SEPTIN10: variants seen among roughly 807,000 people sequenced by gnomAD.
SEPTIN10 encodes the protein septin 10.
Under a neutral mutation model 54.8 loss-of-function variants are expected in SEPTIN10, and 66 were observed. That is an observed-to-expected ratio of 1.21 (90% CI 0.99 to 1.48). The LOEUF (loss-of-function observed/expected upper bound fraction) is 1.48, where lower values mean the gene tolerates loss of function less well. Among genes scored for constraint, SEPTIN10 ranks in the 40% most tolerant of loss-of-function variants. The pLI is 0.00. For missense variants in SEPTIN10, 620 were observed against 545.6 expected (o/e 1.14, Z -1.36); for synonymous variants, 161 against 181.0 (o/e 0.89, Z 0.89).
intron 5 of SEPTIN10, among the ~76,000 whole-genome samples, chr2:109,572,611 T>A (rs1440920053): frequency 8.6e-6 from 1 of 116,692 alleles, no homozygotes; most frequent in East Asian, 2.1e-4. Context: ...TAAAACAACT[T>A]TTTTTTTTTT....
chr2:109,593,067 G>T lies in SEPTIN10; in HGVS notation c.83C>A (p.Ser28Ter). Residue 28 changes from serine (S) to a stop codon, truncating the protein, a stop_gained, in exon 2 of 11, where the codon TCA (serine) becomes TAA (stop). Coordinates refer to ENST00000397712, the MANE Select transcript of SEPTIN10 (RefSeq NM_144710.5). LOFTEE classifies it high-confidence loss of function. ...TKTTCMSSQG[S>*]DDEQIKRENI... is the part of the protein sequence containing the mutation. ...CATACTCACTATCTGTTCATCATCTGATCCTTGTGAAGACATACAAGTTGT... is the reference window on the plus strand; with the variant it reads ...CATACTCACTATCTGTTCATCATCTTATCCTTGTGAAGACATACAAGTTGT... 1 of 1,598,754 alleles carries T rather than the reference G, an allele frequency of 6.3e-7. No homozygotes were observed. The highest frequency in any genetic ancestry group is 8.5e-7 in the Non-Finnish European group (1 of 1,173,246).
At chr2:109,545,328 C>A in intron 10 of SEPTIN10, 1 of 1,486,006 alleles carries the variant, frequency 6.7e-7, no homozygotes, top group Non-Finnish European at 8.9e-7. Context: ...AGGAAATTAT[C>A]AAAAAGGAAA....
At chr2:109,567,546 C>A (rs1687320953) in intron 6 of SEPTIN10, among the ~76,000 whole-genome samples, 1 of 152,116 alleles carries the variant, frequency 6.6e-6, no homozygotes, top group South Asian at 2.1e-4. Flanking sequence ...CATATGGCTG[C>A]ACAAAAGGTA....
At chr2:109,567,766 G>A (rs540182540) in intron 6 of SEPTIN10, 49 bp downstream of exon 6, 1 of 1,508,496 alleles carries the variant, frequency 6.6e-7, no homozygotes, top group South Asian at 1.4e-5. Context: ...ACAAATTACA[G>A]TTTTATTTTC....
chr2:109,611,193 G>C (rs1223475678), intron 1 of SEPTIN10, among the ~76,000 whole-genome samples: 1 of 152,038 alleles, frequency 6.6e-6, no homozygotes, highest in African/African-American at 2.4e-5. Context: ...AACTCAAAAT[G>C]GGTCATAACA....
rs1360859841 is a variant in SEPTIN10, at chr2:109,554,985, T to C, written c.1029-1766A>G. 2.6e-5 allele frequency among the ~76,000 whole-genome samples: 4 copies of C among 152,170 alleles called. 1 individual carries two copies. The highest frequency in any genetic ancestry group is 5.9e-5 in the Non-Finnish European group (4 of 68,020). On this transcript the variant is annotated intron_variant, in intron 8 of 10. Coordinates refer to ENST00000397712, the MANE Select transcript of SEPTIN10 (RefSeq NM_144710.5). ...GCTTCTGAAGCTAAGTCTCCTAATA[T>C]AACCTTCTTTCCATTTCTACAGATA... is the stretch of plus-strand genomic sequence containing the variant.
At chr2:109,605,790 TTC>T (rs1487299451) in intron 1 of SEPTIN10, 2 of 152,192 alleles carry the variant, frequency 1.3e-5, no homozygotes, top group African/African-American at 4.8e-5. Flanking sequence ...ACAACAGAAT[TTC>T]TGTTACTATG....
intron 9 of SEPTIN10, 62 bp downstream of exon 9, chr2:109,553,025 T>A (rs1683373087): frequency 6.4e-7 from 1 of 1,566,514 alleles, no homozygotes; most frequent in Non-Finnish European, 8.6e-7. Flanking sequence ...TTGGAATAAA[T>A]CCTCCAAATT....
chr2:109,594,574 T>TTCC, intron 1 of SEPTIN10: 1 of 152,234 alleles, frequency 6.6e-6, no homozygotes, highest in East Asian at 1.9e-4. Context: ...CAGTGTGGTG[T>TTCC]ATACATATCG....
chr2:109,577,315 G>A (rs920953699), intron 4 of SEPTIN10, among the ~76,000 whole-genome samples: 1 of 152,120 alleles, frequency 6.6e-6, no homozygotes, highest in Non-Finnish European at 1.5e-5. Flanking sequence ...TAGAGAACTC[G>A]GCCGGGCATG....
At chr2:109,569,166 C>T (rs926539571) in intron 5 of SEPTIN10, among the ~76,000 whole-genome samples, 2 of 152,022 alleles carry the variant, frequency 1.3e-5, no homozygotes, top group Admixed American at 6.6e-5. Flanking sequence ...TGGTGGCTCA[C>T]GCCTGTAATC....
At chr2:109,602,511 A>G (rs1237298804) in intron 1 of SEPTIN10, among the ~76,000 whole-genome samples, 1 of 151,984 alleles carries the variant, frequency 6.6e-6, no homozygotes, top group Non-Finnish European at 1.5e-5. Flanking sequence ...CCCCATCTCT[A>G]CTAAAAGTAC....
At chr2:109,596,166 G>A (rs537459943) in intron 1 of SEPTIN10, among the ~76,000 whole-genome samples, 1 of 152,026 alleles carries the variant, frequency 6.6e-6, no homozygotes, top group South Asian at 2.1e-4. Flanking sequence ...GAAACAGCTG[G>A]GCCTACAGGC....
At chr2:109,556,640 T>C (rs898062916) in intron 8 of SEPTIN10, among the ~76,000 whole-genome samples, 1 of 151,972 alleles carries the variant, frequency 6.6e-6, no homozygotes, top group African/African-American at 2.4e-5. Flanking sequence ...TATCAGGCCT[T>C]TTTTTTTCTG....
intron 1 of SEPTIN10, among the ~76,000 whole-genome samples, chr2:109,596,038 T>A (rs980552576): frequency 2.0e-5 from 3 of 152,142 alleles, no homozygotes; most frequent in African/African-American, 4.8e-5. Flanking sequence ...GTTTAATATT[T>A]ATTTTATTTT....
chr2:109,585,841 G>C lies in SEPTIN10; in HGVS notation c.100-3C>G. ...AACGAACGAATGTTTTCTCTTTTCT[G>C]AAGGAAAATAAAAACAAAAACAACA... On this transcript the variant is annotated splice_region_variant and splice_polypyrimidine_tract_variant and intron_variant, in intron 2 of 10. Transcript: ENST00000397712. 6.2e-7 allele frequency: 1 copy of C among 1,606,530 alleles called. No homozygotes were observed. Among genetic ancestry groups the C allele is most frequent in the South Asian group, 1.1e-5 (1 of 90,548 alleles).
intron 6 of SEPTIN10, among the ~76,000 whole-genome samples, chr2:109,567,597 G>C (rs1687334470): frequency 6.6e-6 from 1 of 152,148 alleles, no homozygotes; most frequent in Admixed American, 6.5e-5. Flanking sequence ...TTTGGTGAAA[G>C]CAGAGTGAAA....
intron 4 of SEPTIN10, among the ~76,000 whole-genome samples, chr2:109,576,296 G>A (rs958869868): frequency 6.6e-6 from 1 of 151,908 alleles, no homozygotes; most frequent in Admixed American, 6.6e-5. Context: ...ACAGGGTCTC[G>A]TTGTGTTGCC....
At chr2:109,564,630 G>T in intron 7 of SEPTIN10, 96 bp from the exon 8 acceptor site, 1 of 1,086,382 alleles carries the variant, frequency 9.2e-7, no homozygotes, top group Non-Finnish European at 1.2e-6. Flanking sequence ...GAAAACATGT[G>T]AAACAACAAA....
Sources: allele counts gnomAD v4.1 joint callset (sites outside exome capture counted in the v4.1 genomes callset), GRCh38; gene constraint gnomAD v4.1.1; transcripts MANE v1.5; gene names NCBI Gene and HGNC (gene_info 2026-07-23, HGNC 2026-07-21).